Variants in CTNNA3 observed in about 807,000 individuals in gnomAD.
CTNNA3 encodes catenin alpha 3, also known as catenin alpha-3.
In CTNNA3, 76 loss-of-function variants were observed where a neutral mutation model predicts 95.7. The ratio of observed to expected loss-of-function variants is 0.79; its 90% confidence interval spans 0.66 to 0.96. The LOEUF is 0.96. CTNNA3 is among the 40% of genes least tolerant of loss of function. CTNNA3 has a pLI of 0.00. For synonymous variants in CTNNA3, 431 were observed against 374.4 expected (o/e 1.15, Z -1.74); for missense variants, 1,191 against 1,089.8 (o/e 1.09, Z -1.31).
intron 7 of CTNNA3, among the ~76,000 whole-genome samples, chr10:66,841,385 G>A (rs984507060): frequency 7.2e-5 from 11 of 151,962 alleles, no homozygotes; most frequent in South Asian, 4.1e-4. Flanking sequence ...ATTCTTAAAG[G>A]GATTAAAACT....
chr10:67,726,358 GATATA>G lies in CTNNA3; in HGVS notation c.-2+37071_-2+37075del, dbSNP rs1419479769. Among the ~76,000 whole-genome samples the G allele has an allele frequency of 4.2e-4, 19 of 45,504 alleles. 1 individual carries two copies. Among genetic ancestry groups the G allele is most frequent in the African/African-American group, 4.9e-4 (4 of 8,160 alleles). 29.9% of individuals were successfully genotyped at this position (45,504 alleles called of 152,430 possible). ...ATTATATATAATATATGATATATAT[GATATA>G]ATATATGATATTATATATGAAATTA... is the stretch of plus-strand genomic sequence containing the variant. On this transcript the variant is annotated intron_variant, in intron 1 of 17. Coordinates refer to the CTNNA3 transcript ENST00000684154.
chr10:66,333,168 A>T (rs565686734), intron 12 of CTNNA3, among the ~76,000 whole-genome samples: 23 of 151,196 alleles, frequency 1.5e-4, no homozygotes, highest in African/African-American at 5.6e-4. Context: ...TTGATCTTTT[A>T]AAAAAAACCA....
At chr10:66,455,237 A>T (rs1309571897) in intron 11 of CTNNA3, among the ~76,000 whole-genome samples, 1 of 152,174 alleles carries the variant, frequency 6.6e-6, no homozygotes, top group Non-Finnish European at 1.5e-5. Flanking sequence ...CTCCCATTCA[A>T]TCTTGTGCTA....
At chr10:66,387,373 T>C (rs767436387) in intron 11 of CTNNA3, among the ~76,000 whole-genome samples, 10 of 152,148 alleles carry the variant, frequency 6.6e-5, no homozygotes, top group Admixed American at 3.3e-4. Context: ...ATCAGAGAAC[T>C]GCAAATCAAA....
chr10:67,272,480 T>C (rs78184034), intron 5 of CTNNA3, among the ~76,000 whole-genome samples: 2 of 152,030 alleles, frequency 1.3e-5, no homozygotes, highest in East Asian at 3.9e-4. Context: ...TTGAACCCAA[T>C]AGTTGGAGGC....
intron 1 of CTNNA3, among the ~76,000 whole-genome samples, chr10:67,676,060 G>A (rs1303551424): frequency 4.6e-5 from 7 of 151,934 alleles, no homozygotes; most frequent in East Asian, 3.9e-4. Context: ...ACTAAAGGCC[G>A]AGGCACCCAA....
chr10:66,039,082 G>A (rs2079626245), intron 15 of CTNNA3, among the ~76,000 whole-genome samples: 1 of 152,102 alleles, frequency 6.6e-6, no homozygotes, highest in Admixed American at 6.6e-5. Flanking sequence ...AAAATCACTA[G>A]CATTCTTACA....
chr10:66,480,789 T>C (rs1839495393), intron 11 of CTNNA3, among the ~76,000 whole-genome samples: 1 of 151,862 alleles, frequency 6.6e-6, no homozygotes, highest in Non-Finnish European at 1.5e-5. Flanking sequence ...TATTTTTTAG[T>C]AGAGATGGGG....
At chr10:66,278,135 TAAAAAC>T (rs1344861605) in intron 13 of CTNNA3, among the ~76,000 whole-genome samples, 1 of 148,036 alleles carries the variant, frequency 6.8e-6, no homozygotes, top group African/African-American at 2.5e-5. Flanking sequence ...GATTAGGACT[TAAAAAC>T]AAGAACAGAA....
At chr10:66,853,675 C>T (rs952379214) in intron 7 of CTNNA3, among the ~76,000 whole-genome samples, 1 of 152,022 alleles carries the variant, frequency 6.6e-6, no homozygotes, top group African/African-American at 2.4e-5. Flanking sequence ...AATAAAATCA[C>T]TCTTTGTGGT....
chr10:67,115,451 C>T (rs868385053), intron 7 of CTNNA3, among the ~76,000 whole-genome samples: 1 of 151,544 alleles, frequency 6.6e-6, no homozygotes, highest in African/African-American at 2.4e-5. Context: ...AACTAACCTG[C>T]ACAGTGTGCA....
At chr10:67,665,585 T>A (rs1383328363) in intron 1 of CTNNA3, 1 of 152,118 alleles carries the variant, frequency 6.6e-6, no homozygotes, top group Non-Finnish European at 1.5e-5. Context: ...ACTAAACCAA[T>A]TGTCTAAGCA....
chr10:66,635,055 C>T (rs1845289289), intron 9 of CTNNA3, among the ~76,000 whole-genome samples: 1 of 152,064 alleles, frequency 6.6e-6, no homozygotes, highest in Non-Finnish European at 1.5e-5. Context: ...ACACACACAC[C>T]TCATATTGCT....
chr10:66,844,429 A>G (rs1336259926), intron 7 of CTNNA3, among the ~76,000 whole-genome samples: 1 of 152,196 alleles, frequency 6.6e-6, no homozygotes, highest in Non-Finnish European at 1.5e-5. Context: ...TGGGAAAACA[A>G]CTTAACCTCA....
In CTNNA3 at chr10:67,346,735, C is replaced by T. The variant is rs748020026; in HGVS notation, c.580-126865G>A. ...AAATAATCCAAATTTCTTCCCTCAA[C>T]TATCTAATGTCAGGTCTCCTTCCTG... On this transcript the variant is annotated intron_variant, in intron 5 of 17. Transcript: ENST00000433211. 5 of 501,458 alleles carry T rather than the reference C, an allele frequency of 1.0e-5. No individual in the cohort carries two copies. The East Asian group carries it at 2.8e-4, about 28-fold the overall frequency. 31.1% of individuals were successfully genotyped at this position (501,458 alleles called of 1,614,324 possible). A position where few individuals can be genotyped will look rare whatever the true frequency, so the allele number is the denominator to read the frequency against.
chr10:66,299,627 G>C (rs1170225758), intron 12 of CTNNA3, among the ~76,000 whole-genome samples: 1 of 152,168 alleles, frequency 6.6e-6, no homozygotes, highest in Non-Finnish European at 1.5e-5. Context: ...ATTGGATGAA[G>C]TAAATCTATA....
chr10:67,693,521 A>G (rs973240852), intron 1 of CTNNA3, among the ~76,000 whole-genome samples: 1 of 152,230 alleles, frequency 6.6e-6, no homozygotes, highest in African/African-American at 2.4e-5. Flanking sequence ...AAAAATAGAA[A>G]CATGCAAACA....
chr10:66,869,399 C>T (rs1027922202), intron 7 of CTNNA3, among the ~76,000 whole-genome samples: 1 of 151,896 alleles, frequency 6.6e-6, no homozygotes, highest in African/African-American at 2.4e-5. Flanking sequence ...CATGGTGAAA[C>T]CTCATCTGTA....
chr10:67,727,713 T>C (rs1025402103), intron 1 of CTNNA3, among the ~76,000 whole-genome samples: 31 of 128,248 alleles, frequency 2.4e-4, no homozygotes, highest in African/African-American at 8.5e-4. Flanking sequence ...AGATAATATA[T>C]ATAAAACTAG....
Sources: allele counts gnomAD v4.1 joint callset (sites outside exome capture counted in the v4.1 genomes callset), GRCh38; gene constraint gnomAD v4.1.1; transcripts MANE v1.5; gene names NCBI Gene and HGNC (gene_info 2026-07-23, HGNC 2026-07-21).